Variants in MACROD2 observed in about 807,000 individuals in gnomAD.
MACROD2 encodes mono-ADP ribosylhydrolase 2.
A neutral mutation model predicts 70.4 loss-of-function variants in MACROD2; 36 were observed. The observed-to-expected ratio is 0.51, with a 90% CI of 0.39 to 0.68. The LOEUF is 0.68. Among genes scored for constraint, MACROD2 ranks in the 30% least tolerant of loss-of-function variants. The probability of loss-of-function intolerance (pLI) is 0.00; values close to 1 mark genes in which losing one functional copy is unlikely to be tolerated. For missense variants in MACROD2, 496 were observed against 538.4 expected, an observed-to-expected ratio of 0.92 and a Z score of 0.78; for synonymous variants, 172 against 178.8, an observed-to-expected ratio of 0.96 and a Z score of 0.30.
intron 5 of MACROD2, among the ~76,000 whole-genome samples, chr20:14,715,267 C>G (rs1465683727): frequency 6.6e-6 from 1 of 151,452 alleles, no homozygotes; most frequent in Non-Finnish European, 1.5e-5. Flanking sequence ...AAAACTGTCT[C>G]CATGATTCAA....
At chr20:14,920,883 G>A (rs1350418996) in intron 5 of MACROD2, among the ~76,000 whole-genome samples, 3 of 152,052 alleles carry the variant, frequency 2.0e-5, no homozygotes, top group African/African-American at 7.2e-5. Flanking sequence ...ATTCACATTA[G>A]GAAAGTCACT....
intron 3 of MACROD2, among the ~76,000 whole-genome samples, chr20:14,303,628 C>T (rs371058133): frequency 4.9e-4 from 75 of 152,232 alleles, no homozygotes; most frequent in Middle Eastern, 3.4e-3. Context: ...TCAGCTGACC[C>T]GTTTCCTTTA....
chr20:15,945,264 T>C (rs1261906064), intron 12 of MACROD2, among the ~76,000 whole-genome samples: 1 of 152,200 alleles, frequency 6.6e-6, no homozygotes, highest in Non-Finnish European at 1.5e-5. Context: ...TATTGTATTA[T>C]ATTCCACATA....
intron 13 of MACROD2, among the ~76,000 whole-genome samples, chr20:15,970,961 G>C (rs1436443039): frequency 4.6e-5 from 7 of 152,118 alleles, no homozygotes; most frequent in African/African-American, 1.7e-4. Flanking sequence ...GAAAGGATCA[G>C]AATATTTCTG....
At chr20:14,414,236 C>T (rs146070740) in intron 3 of MACROD2, among the ~76,000 whole-genome samples, 41 of 152,272 alleles carry the variant, frequency 2.7e-4, no homozygotes, top group African/African-American at 9.9e-4. Flanking sequence ...GCCCCCTGAC[C>T]TGCTCCAAAC....
intron 3 of MACROD2, among the ~76,000 whole-genome samples, chr20:14,379,246 T>C (rs1435435692): frequency 6.6e-6 from 1 of 152,196 alleles, no homozygotes; most frequent in Non-Finnish European, 1.5e-5. Context: ...TCCAGGAAGA[T>C]TGGCTCCAGA....
intron 5 of MACROD2, among the ~76,000 whole-genome samples, chr20:15,210,403 T>C (rs2076751376): frequency 1.3e-5 from 2 of 152,206 alleles, no homozygotes; most frequent in African/African-American, 4.8e-5. Flanking sequence ...TTTAGAAGTA[T>C]TGCCTTCCGT....
chr20:14,466,806 C>T (rs2084456280), intron 3 of MACROD2, among the ~76,000 whole-genome samples: 2 of 152,116 alleles, frequency 1.3e-5, no homozygotes, highest in Admixed American at 1.3e-4. Context: ...CCACTCCAGA[C>T]CCTGTTTTCC....
intron 3 of MACROD2, among the ~76,000 whole-genome samples, chr20:14,230,534 T>G (rs993739885): frequency 6.7e-6 from 1 of 150,258 alleles, no homozygotes; most frequent in Admixed American, 6.7e-5. Context: ...CTTGCTATTT[T>G]TACCACATCT....
chr20:14,186,999 G>C (rs974574144), intron 3 of MACROD2, among the ~76,000 whole-genome samples: 1 of 152,014 alleles, frequency 6.6e-6, no homozygotes, highest in African/African-American at 2.4e-5. Context: ...CTACCGGAAG[G>C]GTACTGTGTT....
chr20:14,844,737 T>G (rs1732236710), intron 5 of MACROD2, among the ~76,000 whole-genome samples: 1 of 152,038 alleles, frequency 6.6e-6, no homozygotes, highest in South Asian at 2.1e-4. Flanking sequence ...TTACTATAAA[T>G]CAATCCAAGA....
In MACROD2 at chr20:14,684,874, C is replaced by T. The variant is rs376015211; in HGVS notation, c.333C>T (p.Pro111=). The change falls in exon 5 of 18, where the codon CCC becomes CCT. Residue 111 remains proline (P), a synonymous_variant. Coordinates refer to ENST00000684519, the MANE Select transcript of MACROD2 (RefSeq NM_001351661.2). ...VDGCIHRAAG[P]CLLAECRNLN... ...GCTGTATTCATAGAGCAGCCGGCCCCTGTTTGCTAGCTGAATGTCGTAACC... is the reference window on the plus strand; with the variant it reads ...GCTGTATTCATAGAGCAGCCGGCCCTTGTTTGCTAGCTGAATGTCGTAACC... The T allele has an allele frequency of 5.6e-6, 9 of 1,613,912 alleles. No homozygotes were observed. Among genetic ancestry groups the T allele is most frequent in the Non-Finnish European group, 7.6e-6 (9 of 1,179,934 alleles).
intron 5 of MACROD2, among the ~76,000 whole-genome samples, chr20:14,729,517 A>G (rs2071568909): frequency 6.6e-6 from 1 of 152,188 alleles, no homozygotes; most frequent in East Asian, 1.9e-4. Flanking sequence ...GACCTGGGCA[A>G]TTCTTAACGT....
chr20:15,097,347 T>C (rs548916726), intron 5 of MACROD2, among the ~76,000 whole-genome samples: 1 of 152,320 alleles, frequency 6.6e-6, no homozygotes, highest in Admixed American at 6.5e-5. Flanking sequence ...CAAAATGTAA[T>C]GCTTTTACTA....
At chr20:15,184,854 A>T (rs570947617) in intron 5 of MACROD2, among the ~76,000 whole-genome samples, 1 of 152,204 alleles carries the variant, frequency 6.6e-6, no homozygotes, top group Non-Finnish European at 1.5e-5. Flanking sequence ...CAATTAATAT[A>T]TGTTTAAAAT....
At chr20:14,691,218 A>G (rs1394455825) in intron 5 of MACROD2, among the ~76,000 whole-genome samples, 1 of 152,186 alleles carries the variant, frequency 6.6e-6, no homozygotes, top group Non-Finnish European at 1.5e-5. Context: ...CACCTGGCCA[A>G]TCTTCCCTTT....
chr20:15,155,854 GAAA>G (rs10536310), intron 5 of MACROD2, among the ~76,000 whole-genome samples: 42 of 150,286 alleles, frequency 2.8e-4, no homozygotes, highest in Admixed American at 2.7e-3. Context: ...ATGAGGAATA[GAAA>G]AAAAAAAACA....
At position 15,430,269 on chromosome 20, in the gene MACROD2, A is replaced by T. The variant is rs542906776; in HGVS notation, c.541-1136A>T. Among the ~76,000 whole-genome samples, 11 of 148,070 alleles carry T rather than the reference A, an allele frequency of 7.4e-5. No individual in the cohort carries two copies. In the South Asian group the frequency reaches 1.1e-3, roughly 14 times the overall value. Reference sequence around the variant, plus strand: ...GATAAATGCAGGAATAGAGGTTTTTAAAAAAATAATAATTTCTTTTCCTTT... The same window carrying T: ...GATAAATGCAGGAATAGAGGTTTTTTAAAAAATAATAATTTCTTTTCCTTT... On this transcript the variant is annotated intron_variant, in intron 6 of 17. Coordinates refer to ENST00000684519, the MANE Select transcript of MACROD2 (RefSeq NM_001351661.2).
intron 8 of MACROD2, among the ~76,000 whole-genome samples, chr20:15,842,935 T>C (rs2064189968): frequency 6.6e-6 from 1 of 152,104 alleles, no homozygotes; most frequent in South Asian, 2.1e-4. Context: ...CCAAAATAAT[T>C]TGACTAGTGA....
Sources: gnomAD v4.1 joint callset for allele counts (sites outside exome capture counted in the v4.1 genomes callset) on GRCh38, gnomAD v4.1.1 for gene constraint, MANE v1.5 for transcripts, NCBI Gene and HGNC (gene_info 2026-07-23, HGNC 2026-07-21) for gene names.